The following PCSK1 variants were observed in gnomAD, a reference collection of about 807,000 sequenced individuals.
PCSK1 encodes the protein neuroendocrine convertase 1.
A neutral mutation model predicts 90.6 loss-of-function variants in PCSK1; 56 were observed. The ratio of observed to expected loss-of-function variants is 0.62; its 90% confidence interval spans 0.50 to 0.77. The LOEUF is 0.77. Among genes scored for constraint, PCSK1 ranks in the 30% least tolerant of loss-of-function variants. PCSK1 has a pLI of 0.00. For missense variants in PCSK1, 801 were observed against 932.6 expected (o/e 0.86, Z 1.84); for synonymous variants, 348 against 342.4 (o/e 1.02, Z -0.18).
At position 96,425,926 on chromosome 5, in the gene PCSK1, A is replaced by G. The variant is rs1385225623; in HGVS notation, c.290T>C (p.Ile97Thr). ...TKRLSDDDRV[I>T]WAEQQYEKER... Reference sequence around the variant, plus strand: ...TTTTTCATACTGTTGTTCAGCCCATATCACCTACAAGGATTTTTATAGCAA... The same window carrying G: ...TTTTTCATACTGTTGTTCAGCCCATGTCACCTACAAGGATTTTTATAGCAA... The change falls in exon 3 of 14, where the codon ATA becomes ACA. Residue 97 changes from isoleucine to threonine, a missense_variant. By Grantham distance (89) the Ile-to-Thr change is moderately conservative. Coordinates refer to ENST00000311106, the MANE Select transcript of PCSK1 (RefSeq NM_000439.5). 1 of 1,593,710 alleles carries G rather than the reference A, an allele frequency of 6.3e-7. No individual in the cohort carries two copies. The highest frequency in any genetic ancestry group is 1.1e-5 in the South Asian group (1 of 90,702).
At position 96,391,143 on chromosome 5, in the gene PCSK1, A is replaced by G. The variant is rs1366121507; in HGVS notation, c.*1858T>C. On this transcript the variant is annotated 3_prime_UTR_variant, in exon 14 of 14. Coordinates refer to ENST00000311106, the MANE Select transcript of PCSK1 (RefSeq NM_000439.5). ...ATATCAAACAATATATGAAACTTCC[A>G]AGGACAGAGTGATTCCGCAAGTCTT... 1.3e-5 allele frequency: 2 copies of G among 152,246 alleles called. No individual in the cohort carries two copies. The highest frequency in any genetic ancestry group is 2.4e-5 in the African/African-American group (1 of 41,458). The allele number at this position is 152,246 out of a possible 1,614,324, so 9.4% of individuals were successfully genotyped here. A position where few individuals can be genotyped will look rare whatever the true frequency, so the allele number is the denominator to read the frequency against.
intron 9 of PCSK1, among the ~76,000 whole-genome samples, chr5:96,402,052 G>A (rs996902491): frequency 6.6e-6 from 1 of 152,184 alleles, no homozygotes. Context: ...CAAGGTTCCT[G>A]TCTCAGCACT....
At chr5:96,401,565 A>C (rs549105958) in intron 9 of PCSK1, among the ~76,000 whole-genome samples, 1 of 152,346 alleles carries the variant, frequency 6.6e-6, no homozygotes, top group East Asian at 1.9e-4. Context: ...TAAATCAGAG[A>C]TATAAGGGAT....
intron 5 of PCSK1, among the ~76,000 whole-genome samples, 174 bp downstream of exon 5, chr5:96,421,706 T>C (rs1234595151): frequency 6.6e-6 from 1 of 152,126 alleles, no homozygotes; most frequent in Admixed American, 6.5e-5. Context: ...AAAGGGAATA[T>C]AAAAATAGAA....
intron 6 of PCSK1, 111 bp downstream of exon 6, chr5:96,415,922 C>A: frequency 1.3e-6 from 1 of 749,460 alleles, no homozygotes; most frequent in Non-Finnish European, 2.4e-6. Context: ...TGGCATGGAA[C>A]TAATTTGTTC....
At chr5:96,421,985 G>T in intron 4 of PCSK1, 29 bp from the exon 5 acceptor site, 2 of 779,684 alleles carry the variant, frequency 2.6e-6, no homozygotes, top group Non-Finnish European at 2.1e-6. Flanking sequence ...ATAACACTGT[G>T]GCAGCATTAA....
At chr5:96,393,716 A>C (rs1760036218) in intron 13 of PCSK1, among the ~76,000 whole-genome samples, 1 of 152,246 alleles carries the variant, frequency 6.6e-6, no homozygotes, top group Non-Finnish European at 1.5e-5. Flanking sequence ...GCTGTCATGG[A>C]ATCCATTTTG....
At chr5:96,398,719 A>T (rs894475909) in intron 11 of PCSK1, among the ~76,000 whole-genome samples, 160 bp downstream of exon 11, 2 of 152,114 alleles carry the variant, frequency 1.3e-5, no homozygotes, top group East Asian at 3.8e-4. Context: ...GGGCAGAGGG[A>T]GATCTAACAC....
At chr5:96,401,699 A>G (rs1580748435) in intron 9 of PCSK1, among the ~76,000 whole-genome samples, 2 of 152,270 alleles carry the variant, frequency 1.3e-5, no homozygotes, top group South Asian at 2.1e-4. Flanking sequence ...CATTGCACTT[A>G]TAGGCTTCTA....
chr5:96,406,960 G>T (rs1322610465), intron 9 of PCSK1, among the ~76,000 whole-genome samples: 2 of 151,880 alleles, frequency 1.3e-5, no homozygotes, highest in Non-Finnish European at 2.9e-5. Context: ...TTTTTCCTCT[G>T]TGTTAAGTAT....
intron 1 of PCSK1, among the ~76,000 whole-genome samples, chr5:96,430,812 T>C (rs1561379413): frequency 6.6e-6 from 1 of 152,202 alleles, no homozygotes; most frequent in Non-Finnish European, 1.5e-5. Flanking sequence ...TAAATATAGA[T>C]GGTTTTCCCC....
At position 96,393,232 on chromosome 5, in the gene PCSK1, T is replaced by G. The variant is rs1760013864; in HGVS notation, c.2031A>C (p.Lys677Asn). ...TTGGTGATTGCTTTGGCGGTGAGTT[T>G]TTACTGAAAGCACTTTGCAGGAGTC... ...MLRLLQSAFS[K>N]NSPPKQSPKK... Residue 677 changes from lysine (K) to asparagine (N), a missense_variant, in exon 14 of 14, where the codon AAA becomes AAC. Physicochemically the swap from Lys to Asn is moderately conservative, Grantham distance 94. Transcript: ENST00000311106. 2 of 1,613,856 alleles carry G rather than the reference T, an allele frequency of 1.2e-6. No individual in the cohort carries two copies. Among genetic ancestry groups the G allele is most frequent in the African/African-American group, 2.7e-5 (2 of 74,868 alleles).
intron 9 of PCSK1, among the ~76,000 whole-genome samples, chr5:96,406,512 A>T (rs968041521): frequency 2.0e-5 from 3 of 152,122 alleles, no homozygotes; most frequent in South Asian, 2.1e-4. Context: ...GACTCTTGGT[A>T]AGAGCCTTGC....
chr5:96,423,659 T>C (rs76739706), intron 3 of PCSK1, among the ~76,000 whole-genome samples, 200 bp from the exon 4 acceptor site: 2,059 of 152,318 alleles, frequency 0.014, 44 homozygotes, highest in African/African-American at 0.047. Context: ...CTTCTCCCGA[T>C]TGTCCCAAAT....
rs1215257698 is a variant in PCSK1, at chr5:96,390,874, C to T, written c.*2127G>A. The T allele has an allele frequency of 6.6e-6, 1 of 152,562 alleles. No homozygotes were observed. The highest frequency in any genetic ancestry group is 2.4e-5 in the African/African-American group (1 of 41,432). 9.5% of individuals were successfully genotyped at this position (152,562 alleles called of 1,614,324 possible). On this transcript the variant is annotated 3_prime_UTR_variant, in exon 14 of 14. Coordinates refer to ENST00000311106, the MANE Select transcript of PCSK1 (RefSeq NM_000439.5). ...TGATTTTATTTAAATATTAAAGCTT[C>T]TTGAGAGTGAACCTTTGGCTACAAC...
intron 5 of PCSK1, among the ~76,000 whole-genome samples, chr5:96,420,531 A>G (rs1343801377): frequency 6.6e-6 from 1 of 152,186 alleles, no homozygotes; most frequent in East Asian, 1.9e-4. Flanking sequence ...TGGTACGGAA[A>G]GAAGTCATAT....
chr5:96,412,750 A>ATTTTTTTTTTTTTTTTT (rs1451878228), intron 6 of PCSK1, among the ~76,000 whole-genome samples: 4 of 63,408 alleles, frequency 6.3e-5, no homozygotes, highest in African/African-American at 3.2e-4. Flanking sequence ...GGCAGCTGTG[A>ATTTTTTTTTTTTTTTTT]TGTTTTTTTT....
intron 8 of PCSK1, among the ~76,000 whole-genome samples, chr5:96,410,071 G>A (rs753226597): frequency 6.6e-6 from 1 of 152,010 alleles, no homozygotes; most frequent in East Asian, 1.9e-4. Flanking sequence ...TTAAATTGGG[G>A]GCCTTACATT....
At chr5:96,420,526 C>T (rs887501188) in intron 5 of PCSK1, among the ~76,000 whole-genome samples, 6 of 152,038 alleles carry the variant, frequency 3.9e-5, no homozygotes, top group African/African-American at 9.7e-5. Context: ...ATAAATGGTA[C>T]GGAAAGAAGT....
Sources: gnomAD v4.1 joint callset for allele counts (sites outside exome capture counted in the v4.1 genomes callset) on GRCh38, gnomAD v4.1.1 for gene constraint, MANE v1.5 for transcripts, NCBI Gene and HGNC (gene_info 2026-07-23, HGNC 2026-07-21) for gene names.